The following STMN2 variants were observed in gnomAD, a reference collection of about 807,000 sequenced individuals.
STMN2 encodes stathmin 2.
Under a neutral mutation model 24.1 loss-of-function variants are expected in STMN2, and 2 were observed. That is an observed-to-expected ratio of 0.08 (90% CI 0.03 to 0.26). STMN2 has a LOEUF of 0.26. Among genes scored for constraint, STMN2 ranks in the 10% least tolerant of loss-of-function variants. The probability of loss-of-function intolerance (pLI) is 1.00; values close to 1 mark genes in which losing one functional copy is unlikely to be tolerated. For missense variants in STMN2, 114 were observed against 213.6 expected, an observed-to-expected ratio of 0.53 and a Z score of 2.91; for synonymous variants, 83 against 77.5, an observed-to-expected ratio of 1.07 and a Z score of -0.37.
chr8:79,635,807 T>C (rs1023484128), intron 1 of STMN2, among the ~76,000 whole-genome samples: 1 of 152,162 alleles, frequency 6.6e-6, no homozygotes, highest in African/African-American at 2.4e-5. Context: ...CTATGCTCAA[T>C]ACCTGGGTGA....
intron 3 of STMN2, 78 bp downstream of exon 3, chr8:79,641,628 G>T (rs758086558): frequency 8.2e-4 from 353 of 429,886 alleles, no homozygotes; most frequent in Non-Finnish European, 1.1e-3. Flanking sequence ...ACACATGCAC[G>T]CACACACACA....
intron 3 of STMN2, among the ~76,000 whole-genome samples, chr8:79,651,260 CTTCTGT>C (rs1004987879): frequency 2.0e-5 from 3 of 152,180 alleles, no homozygotes; most frequent in Non-Finnish European, 4.4e-5. Context: ...TCTGTACTGC[CTTCTGT>C]TTCTGTTTCA....
intron 1 of STMN2, among the ~76,000 whole-genome samples, chr8:79,627,955 G>C (rs951616070): frequency 1.3e-5 from 2 of 152,124 alleles, no homozygotes; most frequent in Non-Finnish European, 1.5e-5. Context: ...AGGCTGAATA[G>C]TATTCCATTG....
At chr8:79,658,788 A>G (rs1806436007) in intron 4 of STMN2, among the ~76,000 whole-genome samples, 1 of 152,234 alleles carries the variant, frequency 6.6e-6, no homozygotes, top group South Asian at 2.1e-4. Flanking sequence ...ACTGACTGAT[A>G]AATTCCCAGA....
At chr8:79,618,818 T>A (rs540339651) in intron 1 of STMN2, among the ~76,000 whole-genome samples, 3 of 152,206 alleles carry the variant, frequency 2.0e-5, no homozygotes, top group Non-Finnish European at 2.9e-5. Flanking sequence ...TTGCTGGTCA[T>A]GTGGAAATAT....
chr8:79,655,932 T>C (rs1806349698), intron 4 of STMN2, among the ~76,000 whole-genome samples: 1 of 152,170 alleles, frequency 6.6e-6, no homozygotes, highest in African/African-American at 2.4e-5. Flanking sequence ...GTGATAGGCA[T>C]TGGAGATGCA....
At chr8:79,635,226 A>G (rs945812792) in intron 1 of STMN2, among the ~76,000 whole-genome samples, 2 of 152,172 alleles carry the variant, frequency 1.3e-5, no homozygotes, top group Admixed American at 6.5e-5. Flanking sequence ...GGAGGTGACA[A>G]TCTGGACTCT....
chr8:79,658,646 T>C (rs1161429617), intron 4 of STMN2, among the ~76,000 whole-genome samples: 1 of 152,200 alleles, frequency 6.6e-6, no homozygotes, highest in Non-Finnish European at 1.5e-5. Flanking sequence ...GCAAGAGACA[T>C]GATACAACTC....
intron 3 of STMN2, among the ~76,000 whole-genome samples, chr8:79,647,608 T>C (rs1389567992): frequency 6.6e-6 from 1 of 152,250 alleles, no homozygotes; most frequent in African/African-American, 2.4e-5. Context: ...ATTGCAGCAC[T>C]GACCATCTGG....
chr8:79,628,370 C>G (rs951823677), intron 1 of STMN2, among the ~76,000 whole-genome samples: 2 of 151,804 alleles, frequency 1.3e-5, no homozygotes, highest in African/African-American at 4.8e-5. Context: ...CACCATGTCT[C>G]GAACTCCTGT....
chr8:79,635,910 TAA>T, intron 1 of STMN2, among the ~76,000 whole-genome samples: 1 of 147,440 alleles, frequency 6.8e-6, no homozygotes, highest in Non-Finnish European at 1.5e-5. Flanking sequence ...AACTTGAAAT[TAA>T]AAAAAAAAGA....
At chr8:79,653,752 C>T (rs548927615) in intron 3 of STMN2, among the ~76,000 whole-genome samples, 34 of 152,320 alleles carry the variant, frequency 2.2e-4, no homozygotes, top group African/African-American at 7.7e-4. Context: ...GATATTCCCA[C>T]TTATAATTAC....
chr8:79,621,264 GA>G (rs1335664960), intron 1 of STMN2, among the ~76,000 whole-genome samples: 7 of 151,954 alleles, frequency 4.6e-5, no homozygotes, highest in South Asian at 4.1e-4. Context: ...CAGACTCAAG[GA>G]AAAAAACGTG....
At chr8:79,654,753 GT>G (rs2130385516) in intron 3 of STMN2, 117 bp from the exon 4 acceptor site, 3 of 1,148,306 alleles carry the variant, frequency 2.6e-6, no homozygotes, top group South Asian at 3.2e-5. Flanking sequence ...CTTGACAATA[GT>G]GCTCAAGGCT....
chr8:79,615,564 CT>C (rs1269278320), intron 1 of STMN2, among the ~76,000 whole-genome samples: 3 of 152,196 alleles, frequency 2.0e-5, no homozygotes, highest in South Asian at 4.1e-4. Context: ...TAGACTGGTT[CT>C]GTCCATTGGA....
chr8:79,635,200 G>C (rs1809914138), intron 1 of STMN2, among the ~76,000 whole-genome samples: 1 of 152,130 alleles, frequency 6.6e-6, no homozygotes, highest in Admixed American at 6.6e-5. Flanking sequence ...AATGGGGAAG[G>C]GGAGTGAAGG....
intron 1 of STMN2, among the ~76,000 whole-genome samples, chr8:79,615,629 C>CT (rs1809366116): frequency 6.6e-6 from 1 of 152,146 alleles, no homozygotes; most frequent in Admixed American, 6.5e-5. Context: ...ATCATGTTCT[C>CT]TAAAAAAGCA....
At chr8:79,652,887 A>G (rs758722882) in intron 3 of STMN2, among the ~76,000 whole-genome samples, 14 of 152,158 alleles carry the variant, frequency 9.2e-5, no homozygotes, top group Non-Finnish European at 1.6e-4. Context: ...AAATAAGCAA[A>G]GTCTGTGTAG....
intron 1 of STMN2, among the ~76,000 whole-genome samples, chr8:79,630,851 G>A (rs998018044): frequency 3.3e-5 from 5 of 152,072 alleles, no homozygotes; most frequent in African/African-American, 1.2e-4. Context: ...AACCAATCTA[G>A]CTATCATTTT....
Sources: gnomAD v4.1 joint callset for allele counts (sites outside exome capture counted in the v4.1 genomes callset) on GRCh38, gnomAD v4.1.1 for gene constraint, MANE v1.5 for transcripts, NCBI Gene and HGNC (gene_info 2026-07-23, HGNC 2026-07-21) for gene names.